The following GINM1 variants were observed in gnomAD, a reference collection of about 807,000 sequenced individuals.
The protein encoded by GINM1 is glycosylated integral membrane protein 1, also known as glycoprotein integral membrane protein 1.
GINM1 carries 29 observed loss-of-function variants against 37.8 expected under a neutral mutation model. The observed-to-expected ratio is 0.77, with a 90% CI of 0.57 to 1.05. GINM1 has a LOEUF of 1.05. Ranked by LOEUF, GINM1 falls within the 50% of genes least tolerant of loss-of-function variation. The pLI, the probability that GINM1 is intolerant of heterozygous loss-of-function variation, is 0.00. For missense variants in GINM1, 377 were observed against 397.9 expected (o/e 0.95, Z 0.45); for synonymous variants, 143 against 146.2 (o/e 0.98, Z 0.16).
rs1394332421 is a variant in GINM1 at position 149,578,920 on chromosome 6, A to G, written c.376A>G (p.Ser126Gly). ...TGAGTGGCCTATGACATCTGGTTCC[A>G]GTTTGCAACTAATTGTCATTCAAGA... is the stretch of plus-strand genomic sequence containing the variant. ...VHEWPMTSGS[S>G]LQLIVIQEEV... Residue 126 changes from serine to glycine, a missense_variant, in exon 4 of 8, where the codon AGT becomes GGT. Ser to Gly is a moderately conservative substitution (Grantham distance 56). Coordinates refer to ENST00000367419, the MANE Select transcript of GINM1 (RefSeq NM_138785.5). 6.2e-7 allele frequency: 1 copy of G among 1,606,260 alleles called. No homozygotes were observed. The highest frequency in any genetic ancestry group is 8.5e-7 in the Non-Finnish European group (1 of 1,173,462).
chr6:149,585,509 G>GT (rs1457971578), intron 7 of GINM1, among the ~76,000 whole-genome samples: 1 of 152,214 alleles, frequency 6.6e-6, no homozygotes, highest in East Asian at 1.9e-4. Flanking sequence ...TTGGTTTACA[G>GT]TATCCTTAGT....
intron 7 of GINM1, among the ~76,000 whole-genome samples, chr6:149,583,267 A>G (rs2115061622): frequency 6.6e-6 from 1 of 152,288 alleles, no homozygotes; most frequent in East Asian, 1.9e-4. Context: ...ATTTGAGACC[A>G]GCCTGGCCAA....
chr6:149,576,610 A>T (rs2115058434), intron 3 of GINM1, among the ~76,000 whole-genome samples: 1 of 152,206 alleles, frequency 6.6e-6, no homozygotes, highest in South Asian at 2.1e-4. Context: ...AAGAAAAAAA[A>T]ATCATTCATA....
intron 3 of GINM1, among the ~76,000 whole-genome samples, chr6:149,573,969 T>G (rs1777870069): frequency 6.6e-6 from 1 of 151,898 alleles, no homozygotes; most frequent in East Asian, 1.9e-4. Context: ...TTGAGTTGTT[T>G]AAAGGTAAGC....
At chr6:149,575,089 T>C (rs1383314881) in intron 3 of GINM1, among the ~76,000 whole-genome samples, 1 of 152,186 alleles carries the variant, frequency 6.6e-6, no homozygotes, top group African/African-American at 2.4e-5. Flanking sequence ...ACCTTTTTCA[T>C]TGCTCTTTAT....
At chr6:149,584,724 A>G (rs1778045220) in intron 7 of GINM1, among the ~76,000 whole-genome samples, 1 of 151,862 alleles carries the variant, frequency 6.6e-6, no homozygotes, top group African/African-American at 2.4e-5. Flanking sequence ...TCCTCAATCC[A>G]AAATCCAAAA....
At chr6:149,585,784 A>G (rs1778062206) in intron 7 of GINM1, among the ~76,000 whole-genome samples, 1 of 151,978 alleles carries the variant, frequency 6.6e-6, no homozygotes, top group Non-Finnish European at 1.5e-5. Context: ...AGTAGAGACG[A>G]GGTTTCACTG....
chr6:149,568,261 G>C (rs1417720496), intron 1 of GINM1, among the ~76,000 whole-genome samples: 1 of 152,220 alleles, frequency 6.6e-6, no homozygotes, highest in Non-Finnish European at 1.5e-5. Flanking sequence ...ACAACAAAAA[G>C]TTTCACAGAT....
intron 7 of GINM1, among the ~76,000 whole-genome samples, chr6:149,590,127 T>G (rs1582740305): frequency 6.6e-6 from 1 of 152,328 alleles, no homozygotes; most frequent in Non-Finnish European, 1.5e-5. Context: ...AATAAAACCT[T>G]TGAGAGCTAC....
intron 1 of GINM1, among the ~76,000 whole-genome samples, chr6:149,570,846 A>G (rs1459109784): frequency 2.6e-5 from 4 of 152,216 alleles, no homozygotes; most frequent in Non-Finnish European, 4.4e-5. Flanking sequence ...TGATTTAGAA[A>G]TGATAGATTG....
At chr6:149,584,495 T>C (rs1778043637) in intron 7 of GINM1, 1 of 152,118 alleles carries the variant, frequency 6.6e-6, no homozygotes, top group South Asian at 2.1e-4. Context: ...CCTTGAAGGA[T>C]TGTTGAAAGT....
At chr6:149,579,736 G>A in intron 4 of GINM1, 98 bp from the exon 5 acceptor site, 2 of 660,992 alleles carry the variant, frequency 3.0e-6, no homozygotes, top group Non-Finnish European at 5.0e-6. Context: ...TAGGACACAT[G>A]TTTTAGTTAT....
intron 1 of GINM1, among the ~76,000 whole-genome samples, chr6:149,568,938 T>A (rs1183707655): frequency 6.6e-6 from 1 of 151,972 alleles, no homozygotes; most frequent in Non-Finnish European, 1.5e-5. Flanking sequence ...TTCAAGTGAT[T>A]CTCCTATCTC....
chr6:149,571,578 A>G (rs1777822844), intron 1 of GINM1, among the ~76,000 whole-genome samples: 2 of 152,138 alleles, frequency 1.3e-5, no homozygotes, highest in South Asian at 2.1e-4. Flanking sequence ...GTAAAACTAT[A>G]AAGAAAAGCA....
intron 3 of GINM1, among the ~76,000 whole-genome samples, chr6:149,575,257 A>G (rs913240498): frequency 2.0e-5 from 3 of 152,218 alleles, no homozygotes; most frequent in Non-Finnish European, 4.4e-5. Flanking sequence ...GGCCTAAAGA[A>G]TTCCCTTTGG....
chr6:149,570,490 T>G (rs1266037352), intron 1 of GINM1, among the ~76,000 whole-genome samples: 2 of 151,700 alleles, frequency 1.3e-5, no homozygotes, highest in Non-Finnish European at 2.9e-5. Context: ...TTCTGAGGAA[T>G]TTCTAGTTAG....
chr6:149,587,447 A>G lies in GINM1; in HGVS notation c.882-3280A>G, dbSNP rs116074514. Among the ~76,000 whole-genome samples the G allele has an allele frequency of 7.7e-3, 1,167 of 152,316 alleles. 14 individuals carry two copies. Among genetic ancestry groups the G allele is most frequent in the African/African-American group, 0.027 (1,115 of 41,576 alleles). ...GATGTGTGATTCTGACCAGCTGGGT[A>G]TAAAGAGGTTGCCATGACTTCCTCT... On this transcript the variant is annotated intron_variant, in intron 7 of 7. Transcript: ENST00000367419.
At chr6:149,585,036 AT>A (rs995099095) in intron 7 of GINM1, among the ~76,000 whole-genome samples, 1 of 152,088 alleles carries the variant, frequency 6.6e-6, no homozygotes, top group African/African-American at 2.4e-5. Context: ...TGGATTAGGG[AT>A]GCTTGACCTG....
Position 149,566,466 on chromosome 6 carries a change from G to A in GINM1, c.52G>A (p.Ala18Thr). The change falls in exon 1 of 8, where the codon GCG (alanine) becomes ACG (threonine). Residue 18 changes from alanine (A) to threonine (T), a missense_variant. Ala to Thr is a moderately conservative substitution (Grantham distance 58). Coordinates refer to ENST00000367419, the MANE Select transcript of GINM1 (RefSeq NM_138785.5). The surrounding 1 kb of genome is among the most constrained non-coding windows in gnomAD (Gnocchi z 4.4). The part of the protein sequence containing the change: ...SLALRLLLFV[A>T]LPASGWLTTG... ...CGCCCTCCGGCTCCTGCTGTTCGTG[G>A]CGCTACCCGCCTCCGGCTGGCTGAC... 1 of 1,567,124 alleles carries A rather than the reference G, an allele frequency of 6.4e-7. No individual in the cohort carries two copies. The highest frequency in any genetic ancestry group is 1.2e-5 in the South Asian group (1 of 86,934).
Sources: gnomAD v4.1 joint callset for allele counts (sites outside exome capture counted in the v4.1 genomes callset) on GRCh38, gnomAD v4.1.1 for gene constraint, Gnocchi (gnomAD v3.1) non-coding constraint, MANE v1.5 for transcripts, NCBI Gene and HGNC (gene_info 2026-07-23, HGNC 2026-07-21) for gene names.